Variants in GRIN2A observed in about 807,000 individuals in gnomAD.
The protein encoded by GRIN2A is glutamate ionotropic receptor NMDA type subunit 2A, also known as glutamate receptor ionotropic, NMDA 2A.
GRIN2A carries 22 observed loss-of-function variants against 113.4 expected under a neutral mutation model. That is an observed-to-expected ratio of 0.19 (90% CI 0.14 to 0.28). The LOEUF (loss-of-function observed/expected upper bound fraction) is 0.28, where lower values mean the gene tolerates loss of function less well. GRIN2A is among the 10% of genes least tolerant of loss of function. The pLI, the probability that GRIN2A is intolerant of heterozygous loss-of-function variation, is 1.00. For synonymous variants in GRIN2A, 827 were observed against 738.4 expected (o/e 1.12, Z -1.94); for missense variants, 1,502 against 1,887.0 (o/e 0.80, Z 3.78).
intron 4 of GRIN2A, among the ~76,000 whole-genome samples, chr16:9,878,875 A>G (rs940089544): frequency 6.6e-6 from 1 of 151,828 alleles, no homozygotes; most frequent in African/African-American, 2.4e-5. Flanking sequence ...ACACACACAC[A>G]CACGCACACA....
intron 2 of GRIN2A, among the ~76,000 whole-genome samples, chr16:9,977,891 A>C (rs973215566): frequency 6.6e-6 from 1 of 152,234 alleles, no homozygotes. Context: ...AAAATAAAAA[A>C]ATAAAACTTT....
chr16:10,017,044 G>C (rs34543204), intron 2 of GRIN2A, among the ~76,000 whole-genome samples: 16,422 of 152,216 alleles, frequency 0.11, 989 homozygotes, highest in Middle Eastern at 0.14. Flanking sequence ...GAGCCTATGG[G>C]CCTCTTTCTG....
chr16:9,826,899 C>G (rs533927101), intron 9 of GRIN2A, among the ~76,000 whole-genome samples: 35 of 152,338 alleles, frequency 2.3e-4, no homozygotes, highest in Admixed American at 2.1e-3. Context: ...TCCCCCCGCC[C>G]TTGCCTTTGA....
intron 2 of GRIN2A, among the ~76,000 whole-genome samples, chr16:9,974,411 T>C (rs1645669898): frequency 6.6e-6 from 1 of 152,208 alleles, no homozygotes; most frequent in South Asian, 2.1e-4. Context: ...TGTCCTGTTC[T>C]GTTTCGTTCT....
chr16:10,083,746 G>T (rs1348574711), intron 2 of GRIN2A, among the ~76,000 whole-genome samples: 1 of 152,128 alleles, frequency 6.6e-6, no homozygotes, highest in Admixed American at 6.5e-5. Context: ...TCTATGAAGA[G>T]TCCTTAGATA....
chr16:10,088,672 T>C (rs774955745), intron 2 of GRIN2A, among the ~76,000 whole-genome samples: 8 of 152,366 alleles, frequency 5.3e-5, no homozygotes, highest in Non-Finnish European at 1.0e-4. Context: ...TGGCTATTTT[T>C]GGCTCCCACC....
intron 10 of GRIN2A, among the ~76,000 whole-genome samples, chr16:9,810,439 C>T (rs1021549572): frequency 6.6e-6 from 1 of 152,056 alleles, no homozygotes; most frequent in Non-Finnish European, 1.5e-5. Context: ...CAGAGTATGC[C>T]CTTATTTGAA....
chr16:9,780,876 A>C (rs963730099), intron 11 of GRIN2A, among the ~76,000 whole-genome samples: 25 of 152,258 alleles, frequency 1.6e-4, no homozygotes, highest in Admixed American at 1.6e-3. Flanking sequence ...CTTTACAAAA[A>C]GAGAAAATTT....
At chr16:9,938,653 T>A in intron 2 of GRIN2A, 102 bp from the exon 3 acceptor site, 1 of 793,712 alleles carries the variant, frequency 1.3e-6, no homozygotes, top group Admixed American at 1.9e-5. Context: ...CACACATCAA[T>A]CATTTGCAGA....
At chr16:9,793,153 C>T (rs1202516307) in intron 11 of GRIN2A, among the ~76,000 whole-genome samples, 1 of 152,138 alleles carries the variant, frequency 6.6e-6, no homozygotes, top group East Asian at 1.9e-4. Context: ...ATAAGATTTA[C>T]TCCAGAATAT....
chr16:9,765,841 A>C (rs532580025), intron 12 of GRIN2A, among the ~76,000 whole-genome samples: 2 of 152,208 alleles, frequency 1.3e-5, no homozygotes, highest in Non-Finnish European at 2.9e-5. Flanking sequence ...CACCGCCTTT[A>C]AATCCATCCA....
At chr16:10,095,688 T>G (rs371011866) in intron 2 of GRIN2A, among the ~76,000 whole-genome samples, 3 of 132,136 alleles carry the variant, frequency 2.3e-5, no homozygotes, top group African/African-American at 7.5e-5. Flanking sequence ...GAACCCAGCA[T>G]CAGAACTCCC....
intron 3 of GRIN2A, among the ~76,000 whole-genome samples, chr16:9,910,887 C>T (rs1359786583): frequency 6.6e-6 from 1 of 151,954 alleles, no homozygotes; most frequent in African/African-American, 2.4e-5. Flanking sequence ...TTCTACAATA[C>T]CTCTGGCAGA....
At chr16:9,788,113 G>A (rs576889260) in intron 11 of GRIN2A, among the ~76,000 whole-genome samples, 2 of 152,300 alleles carry the variant, frequency 1.3e-5, no homozygotes, top group East Asian at 3.9e-4. Context: ...CTCTGTGGAT[G>A]CACAGGCTAA....
chr16:10,144,320 C>A (rs1375899632), intron 2 of GRIN2A, among the ~76,000 whole-genome samples: 1 of 152,160 alleles, frequency 6.6e-6, no homozygotes, highest in Non-Finnish European at 1.5e-5. Context: ...CACTTGTTAT[C>A]TTTGGTCATT....
At chr16:9,898,569 C>G (rs2043853375) in intron 3 of GRIN2A, among the ~76,000 whole-genome samples, 1 of 152,146 alleles carries the variant, frequency 6.6e-6, no homozygotes, top group Non-Finnish European at 1.5e-5. Flanking sequence ...CCACCATAAC[C>G]CATTTAGTGT....
intron 11 of GRIN2A, among the ~76,000 whole-genome samples, chr16:9,786,439 G>GA (rs1040031216): frequency 1.3e-5 from 2 of 152,004 alleles, no homozygotes; most frequent in Non-Finnish European, 2.9e-5. Context: ...ATGAACAATG[G>GA]AAAAAAAGTG....
At chr16:10,174,375 A>G (rs1248267328) in intron 2 of GRIN2A, among the ~76,000 whole-genome samples, 2 of 152,152 alleles carry the variant, frequency 1.3e-5, no homozygotes, top group East Asian at 3.8e-4. Flanking sequence ...TAAAATACAC[A>G]CCCTCACAGA....
At chr16:10,038,644 T>C (rs77116640) in intron 2 of GRIN2A, among the ~76,000 whole-genome samples, 32,657 of 151,384 alleles carry the variant, frequency 0.22, 4,215 homozygotes, top group East Asian at 0.52. Flanking sequence ...GAGATAGAGA[T>C]CATCCTGGCT....
Sources: allele counts gnomAD v4.1 joint callset (sites outside exome capture counted in the v4.1 genomes callset), GRCh38; gene constraint gnomAD v4.1.1; transcripts MANE v1.5; gene names NCBI Gene and HGNC (gene_info 2026-07-23, HGNC 2026-07-21).